PVT1: variants seen among roughly 807,000 people sequenced by gnomAD.
PVT1 encodes the protein Pvt1 oncogene.
intron 4 of PVT1, among the ~76,000 whole-genome samples, chr8:128,050,816 T>C (rs1222997795): frequency 1.3e-5 from 2 of 152,228 alleles, no homozygotes; most frequent in Admixed American, 6.5e-5. Flanking sequence ...ACCTTCTAAT[T>C]GACTACCCCA....
intron 4 of PVT1, among the ~76,000 whole-genome samples, chr8:128,068,671 T>G (rs1813943125): frequency 6.6e-6 from 1 of 152,176 alleles, no homozygotes; most frequent in South Asian, 2.1e-4. Context: ...AATTTTTGTA[T>G]TTTTAGTAGA....
chr8:127,897,920 GAAGA>G (rs1270254988), intron 3 of PVT1, among the ~76,000 whole-genome samples: 2 of 149,388 alleles, frequency 1.3e-5, no homozygotes, highest in South Asian at 2.1e-4. Context: ...AGACAGGAAG[GAAGA>G]AAGGAAAGAA....
intron 4 of PVT1, among the ~76,000 whole-genome samples, chr8:127,997,507 G>T (rs1817121117): frequency 6.6e-6 from 1 of 152,194 alleles, no homozygotes; most frequent in Non-Finnish European, 1.5e-5. Context: ...TAGTCACCGT[G>T]TGGAGCAAAA....
intron 4 of PVT1, among the ~76,000 whole-genome samples, chr8:128,017,462 G>C (rs1400762823): frequency 6.6e-6 from 1 of 152,108 alleles, no homozygotes; most frequent in Non-Finnish European, 1.5e-5. Flanking sequence ...TTGTTTCTGA[G>C]ACAGAGTCTT....
At chr8:128,095,876 A>G (rs909500318) in intron 5 of PVT1, among the ~76,000 whole-genome samples, 1 of 152,228 alleles carries the variant, frequency 6.6e-6, no homozygotes, top group East Asian at 1.9e-4. Flanking sequence ...TTCCACTCCA[A>G]TTCTGCCATG....
intron 2 of PVT1, among the ~76,000 whole-genome samples, chr8:127,829,984 CCTT>C (rs2129695627): frequency 6.6e-6 from 1 of 152,300 alleles, no homozygotes; most frequent in South Asian, 2.1e-4. Flanking sequence ...CTTTACATAG[CCTT>C]CTTCCCTCTG....
At chr8:128,088,590 G>T (rs1184779278) in intron 5 of PVT1, among the ~76,000 whole-genome samples, 2 of 152,240 alleles carry the variant, frequency 1.3e-5, no homozygotes, top group African/African-American at 4.8e-5. Context: ...CCTCAGAGTA[G>T]ATGCTGTGCA....
At chr8:128,018,923 G>A (rs1817403543) in intron 4 of PVT1, among the ~76,000 whole-genome samples, 1 of 152,224 alleles carries the variant, frequency 6.6e-6, no homozygotes, top group South Asian at 2.1e-4. Context: ...CATAATGGTT[G>A]CAGCAGATGA....
At chr8:127,879,257 G>A (rs1451855126) in intron 2 of PVT1, among the ~76,000 whole-genome samples, 5 of 152,206 alleles carry the variant, frequency 3.3e-5, no homozygotes, top group Admixed American at 3.3e-4. Context: ...GGCTGGGCGT[G>A]GTGGCTCCTG....
At chr8:128,076,067 C>A (rs1814085790) in intron 5 of PVT1, among the ~76,000 whole-genome samples, 1 of 152,212 alleles carries the variant, frequency 6.6e-6, no homozygotes, top group Admixed American at 6.5e-5. Flanking sequence ...GTACCCTGTG[C>A]TCTGGGAACC....
intron 2 of PVT1, among the ~76,000 whole-genome samples, chr8:127,873,000 C>G (rs945630196): frequency 5.3e-5 from 8 of 152,210 alleles, no homozygotes; most frequent in Non-Finnish European, 1.0e-4. Context: ...CTGCTCTCTC[C>G]TACTGAGCCC....
intron 2 of PVT1, among the ~76,000 whole-genome samples, chr8:127,868,261 C>T (rs1466054061): frequency 6.6e-6 from 1 of 152,134 alleles, no homozygotes; most frequent in East Asian, 1.9e-4. Context: ...GCATTCCCTA[C>T]TCACTGAAAA....
At position 127,910,872 on chromosome 8, in the gene PVT1, G is replaced by C. The variant is rs556556080; in HGVS notation, n.782+19874G>C. On this transcript the variant is annotated intron_variant and non_coding_transcript_variant, in intron 3 of 10. Coordinates refer to ENST00000651587, the Ensembl canonical transcript of PVT1. Reference sequence around the variant, plus strand: ...GTTTGTGCTATTAACCATTATATCAGTCTGCTGTGTGTGTGTGTGTTTGTG... The same window carrying C: ...GTTTGTGCTATTAACCATTATATCACTCTGCTGTGTGTGTGTGTGTTTGTG... 4.0e-5 allele frequency among the ~76,000 whole-genome samples: 6 copies of C among 149,548 alleles called. No homozygotes were observed. The South Asian group carries it at 1.1e-3, about 26-fold the overall frequency.
chr8:127,965,623 C>T (rs549757023), intron 3 of PVT1, among the ~76,000 whole-genome samples: 1 of 152,328 alleles, frequency 6.6e-6, no homozygotes, highest in Non-Finnish European at 1.5e-5. Flanking sequence ...CCACTCTGCC[C>T]TTGGATGTGT....
intron 4 of PVT1, among the ~76,000 whole-genome samples, chr8:128,023,218 T>C (rs1817458213): frequency 4.6e-5 from 7 of 152,190 alleles, no homozygotes; most frequent in Admixed American, 4.6e-4. Context: ...GAATCTCTTT[T>C]ATCACCATGA....
intron 4 of PVT1, among the ~76,000 whole-genome samples, chr8:128,032,239 C>T (rs544908456): frequency 4.0e-4 from 61 of 152,250 alleles, no homozygotes; most frequent in African/African-American, 1.4e-3. Context: ...TCGCAGCCCA[C>T]ACTGCTGTGC....
At chr8:128,067,290 A>G (rs955339475) in intron 4 of PVT1, among the ~76,000 whole-genome samples, 3 of 152,164 alleles carry the variant, frequency 2.0e-5, no homozygotes, top group African/African-American at 7.2e-5. Context: ...AAGTTTTTAA[A>G]GAGTTGATTG....
At chr8:127,977,919 C>T (rs749054378) in intron 3 of PVT1, among the ~76,000 whole-genome samples, 9 of 152,164 alleles carry the variant, frequency 5.9e-5, no homozygotes, top group Non-Finnish European at 8.8e-5. Context: ...CACCCACGTC[C>T]GTGGTGATGG....
chr8:128,100,431 A>G (rs953415554), intron 6 of PVT1, among the ~76,000 whole-genome samples: 1 of 152,148 alleles, frequency 6.6e-6, no homozygotes, highest in Non-Finnish European at 1.5e-5. Context: ...TACAACATCC[A>G]CATGGACGGG....
Sources: gnomAD v4.1 joint callset for allele counts (sites outside exome capture counted in the v4.1 genomes callset) on GRCh38, gnomAD v4.1.1 for gene constraint, MANE v1.5 for transcripts, NCBI Gene and HGNC (gene_info 2026-07-23, HGNC 2026-07-21) for gene names.